Variants in DIP2C observed in about 807,000 individuals in gnomAD.
DIP2C encodes disco-interacting protein 2 homolog C.
In DIP2C, 33 loss-of-function variants were observed where a neutral mutation model predicts 192.4. The observed-to-expected ratio is 0.17, with a 90% CI of 0.13 to 0.23. DIP2C has a LOEUF of 0.23. Ranked by LOEUF, DIP2C falls within the 10% of genes least tolerant of loss-of-function variation. DIP2C has a pLI of 1.00. For missense variants in DIP2C, 1,537 were observed against 2,110.1 expected (o/e 0.73, Z 5.32); for synonymous variants, 979 against 864.1 (o/e 1.13, Z -2.33).
At chr10:364,962 T>C (rs765329240) in intron 19 of DIP2C, 5 of 534,592 alleles carry the variant, frequency 9.4e-6, no homozygotes, top group Non-Finnish European at 1.9e-5. Context: ...ACAACGTCTG[T>C]TAGTTTTAAA....
intron 1 of DIP2C, among the ~76,000 whole-genome samples, chr10:575,572 G>A (rs1346293573): frequency 6.6e-6 from 1 of 152,210 alleles, no homozygotes; most frequent in African/African-American, 2.4e-5. Flanking sequence ...ATGGGCACGT[G>A]TGATCCTTGC....
chr10:621,855 G>A (rs953904835), intron 1 of DIP2C, among the ~76,000 whole-genome samples: 2 of 152,182 alleles, frequency 1.3e-5, no homozygotes, highest in African/African-American at 4.8e-5. Context: ...TTCCGGAGAG[G>A]ATGTCATTCG....
At chr10:372,295 G>A (rs1407212250) in intron 17 of DIP2C, among the ~76,000 whole-genome samples, 3 of 152,112 alleles carry the variant, frequency 2.0e-5, no homozygotes, top group African/African-American at 7.2e-5. Flanking sequence ...GGCTGGCCTC[G>A]AACTCCTGAC....
chr10:412,190 G>C (rs1965229907), intron 8 of DIP2C, among the ~76,000 whole-genome samples: 1 of 152,192 alleles, frequency 6.6e-6, no homozygotes, highest in Admixed American at 6.5e-5. Flanking sequence ...CAGAAGCCCC[G>C]TGAGAACTGT....
intron 32 of DIP2C, among the ~76,000 whole-genome samples, chr10:300,928 T>G (rs1956013720): frequency 6.6e-6 from 1 of 152,252 alleles, no homozygotes; most frequent in African/African-American, 2.4e-5. Context: ...AAAAGTATCT[T>G]TTTATTAAAT....
At chr10:490,910 G>A (rs984846945) in intron 1 of DIP2C, among the ~76,000 whole-genome samples, 2 of 152,216 alleles carry the variant, frequency 1.3e-5, no homozygotes, top group Admixed American at 1.3e-4. Flanking sequence ...GCAGAAGGTC[G>A]AATGAGACTG....
intron 6 of DIP2C, among the ~76,000 whole-genome samples, chr10:416,963 C>G (rs771287122): frequency 1.3e-5 from 2 of 152,154 alleles, no homozygotes; most frequent in Non-Finnish European, 2.9e-5. Flanking sequence ...GAACAGAATT[C>G]AAGGAAATTT....
intron 1 of DIP2C, among the ~76,000 whole-genome samples, chr10:510,214 A>C (rs190749604): frequency 5.1e-4 from 78 of 152,298 alleles, no homozygotes; most frequent in African/African-American, 1.9e-3. Flanking sequence ...TCACAAATCT[A>C]TGTGGGGCAG....
intron 1 of DIP2C, among the ~76,000 whole-genome samples, chr10:533,351 G>A (rs1847522722): frequency 6.6e-6 from 1 of 152,228 alleles, no homozygotes; most frequent in African/African-American, 2.4e-5. Flanking sequence ...GATTCCACAG[G>A]CAGGTGCTCA....
Position 362,682 on chromosome 10 carries a change from T to C in DIP2C, c.2602A>G (p.Ser868Gly), listed in dbSNP as rs1272258122. 6.2e-7 allele frequency: 1 copy of C among 1,608,140 alleles called. No individual in the cohort carries two copies. The highest frequency in any genetic ancestry group is 1.3e-5 in the African/African-American group (1 of 74,656). Residue 868 changes from serine (S) to glycine (G), a missense_variant, in exon 22 of 37, where the codon AGT becomes GGT. Ser to Gly is a moderately conservative substitution (Grantham distance 56, BLOSUM62 0). This residue lies in a region of DIP2C where 677 missense variants were observed against 989.9 expected (regional missense o/e 0.68). Coordinates refer to ENST00000280886, the MANE Select transcript of DIP2C (RefSeq NM_014974.3). Reference protein sequence around the residue: ...WMSRVLQAIDSIHQVGVYCLA... With the variant: ...WMSRVLQAIDGIHQVGVYCLA... ...CAATAAACTCCAACTTGATGTATAC[T>C]GTCAATCGCCTAGAAAGTTAATAAA...
chr10:613,540 G>A (rs149015273), intron 1 of DIP2C, among the ~76,000 whole-genome samples: 426 of 152,304 alleles, frequency 2.8e-3, no homozygotes, highest in Non-Finnish European at 4.8e-3. Context: ...AACTGCATTC[G>A]TCTCCACCCT....
chr10:672,041 A>G (rs1353602151), intron 1 of DIP2C, among the ~76,000 whole-genome samples: 1 of 143,162 alleles, frequency 7.0e-6, no homozygotes, highest in East Asian at 2.3e-4. Flanking sequence ...GGAAGGAGGA[A>G]ACAGGCCACA....
At chr10:618,634 TTG>T (rs2131822242) in intron 1 of DIP2C, among the ~76,000 whole-genome samples, 1 of 151,606 alleles carries the variant, frequency 6.6e-6, no homozygotes, top group African/African-American at 2.4e-5. Context: ...ATGACAGACT[TTG>T]TTTGCTTTTA....
intron 1 of DIP2C, among the ~76,000 whole-genome samples, chr10:506,482 G>A (rs754673504): frequency 9.2e-5 from 14 of 152,262 alleles, no homozygotes; most frequent in East Asian, 1.9e-4. Context: ...CAAGTCCAGC[G>A]TGTGGTCATG....
chr10:380,986 A>G (rs1335998393), intron 17 of DIP2C, among the ~76,000 whole-genome samples: 2 of 152,222 alleles, frequency 1.3e-5, no homozygotes, highest in Non-Finnish European at 2.9e-5. Context: ...CTGTTCACAC[A>G]TTCAGAAAAC....
At chr10:620,124 G>A (rs1034240397) in intron 1 of DIP2C, among the ~76,000 whole-genome samples, 9 of 152,164 alleles carry the variant, frequency 5.9e-5, no homozygotes, top group African/African-American at 1.7e-4. Flanking sequence ...TACGGAGGAC[G>A]CCACAGCCGA....
intron 3 of DIP2C, among the ~76,000 whole-genome samples, chr10:471,395 C>G (rs1348327162): frequency 6.6e-6 from 1 of 152,208 alleles, no homozygotes; most frequent in Non-Finnish European, 1.5e-5. Context: ...CTGACACTCA[C>G]AGGCTTCCTC....
intron 1 of DIP2C, among the ~76,000 whole-genome samples, chr10:626,919 G>A (rs888138758): frequency 2.0e-5 from 3 of 152,186 alleles, no homozygotes; most frequent in South Asian, 2.1e-4. Flanking sequence ...TTATTCTTTG[G>A]CTACAGTTTT....
intron 1 of DIP2C, among the ~76,000 whole-genome samples, chr10:661,861 C>T (rs781363038): frequency 3.7e-4 from 57 of 152,216 alleles, no homozygotes; most frequent in Non-Finnish European, 7.1e-4. Flanking sequence ...TCCACACTTG[C>T]TTCTCCTCCT....
Sources: gnomAD v4.1 joint callset for allele counts (sites outside exome capture counted in the v4.1 genomes callset) on GRCh38, gnomAD v4.1.1 for gene constraint, gnomAD v4.1.1 regional missense constraint, MANE v1.5 for transcripts, NCBI Gene and HGNC (gene_info 2026-07-23, HGNC 2026-07-21) for gene names.